CD33: variants seen among roughly 807,000 people sequenced by gnomAD.
CD33 encodes the protein CD33 molecule, also known as myeloid cell surface antigen CD33.
Under a neutral mutation model 31.4 loss-of-function variants are expected in CD33, and 25 were observed. The observed-to-expected ratio is 0.80, with a 90% confidence interval of 0.58 to 1.11. The LOEUF is 1.11. Ranked by LOEUF, CD33 falls within the 50% of genes most tolerant of loss-of-function variation. The probability of loss-of-function intolerance (pLI) is 0.00; values close to 1 mark genes in which losing one functional copy is unlikely to be tolerated. For synonymous variants in CD33, 176 were observed against 180.6 expected (o/e 0.97, Z 0.20); for missense variants, 407 against 448.1 (o/e 0.91, Z 0.83).
At chr19:51,215,061 T>A in the CD33 span, among the ~76,000 whole-genome samples, 66,159 of 151,926 alleles carry the variant, frequency 0.44, 15,313 homozygotes, top group African/African-American at 0.57. Flanking sequence ...AGGTGGTTCT[T>A]GTGGCCATTG....
chr19:51,226,386 T>C (rs1981037290), intron 4 of CD33, 30 bp downstream of exon 4: 1 of 1,597,022 alleles, frequency 6.3e-7, no homozygotes, highest in Non-Finnish European at 8.6e-7. Context: ...CCTGGGGCTG[T>C]TACTGACATT....
At position 51,225,956 on chromosome 19, in the gene CD33, C is replaced by A. The variant is rs765869147; in HGVS notation, c.572C>A (p.Thr191Asn). ...GCCCCCACCTCCCTGGGCCCCAGGA[C>A]TACTCACTCCTCGGTGCTCATAATC... ...SAAPTSLGPR[T>N]THSSVLIITP... The change falls in exon 3 of 7, where the codon ACT (threonine) becomes AAT (asparagine). Residue 191 changes from threonine (T) to asparagine (N), a missense_variant. Coordinates refer to ENST00000262262, the MANE Select transcript of CD33 (RefSeq NM_001772.4). 1 of 1,614,138 alleles carries A rather than the reference C, an allele frequency of 6.2e-7. No individual in the cohort carries two copies. Among genetic ancestry groups the A allele is most frequent in the South Asian group, 1.1e-5 (1 of 91,082 alleles).
At position 51,239,754 on chromosome 19, in the gene CD33, C is replaced by A; in HGVS notation, c.*66C>A. ...TCCTCTACAGGTCGGGGACCAAAGG[C>A]TGATTCTTGGAGATTTAACACCCCA... On this transcript the variant is annotated 3_prime_UTR_variant, in exon 7 of 7. Coordinates refer to ENST00000262262, the MANE Select transcript of CD33 (RefSeq NM_001772.4). 1.4e-6 allele frequency: 2 copies of A among 1,388,080 alleles called. No homozygotes were observed. The highest frequency in any genetic ancestry group is 2.0e-6 in the Non-Finnish European group (2 of 1,017,698). 86.0% of individuals were successfully genotyped at this position (1,388,080 alleles called of 1,614,324 possible).
Position 51,225,118 on chromosome 19 carries a change from C to A in CD33, c.-1C>A, listed in dbSNP as rs1980888629. 1 of 1,613,758 alleles carries A rather than the reference C, an allele frequency of 6.2e-7. No homozygotes were observed. The highest frequency in any genetic ancestry group is 8.5e-7 in the Non-Finnish European group (1 of 1,180,022). On this transcript the variant is annotated 5_prime_UTR_variant, in exon 1 of 7. Coordinates refer to ENST00000262262, the MANE Select transcript of CD33 (RefSeq NM_001772.4). ...AAGCCCTGGAAGCTGCTTCCTCAGA[C>A]ATGCCGCTGCTGCTACTGCTGCCCC... is the stretch of plus-strand genomic sequence containing the variant.
upstream of CD33, among the ~76,000 whole-genome samples, chr19:51,221,145 G>T (rs1980670663): frequency 6.6e-6 from 1 of 152,090 alleles, no homozygotes; most frequent in African/African-American, 2.4e-5. Context: ...AGTACTCAAG[G>T]CCCTCACCAG....
At chr19:51,212,712 T>C in the CD33 span, among the ~76,000 whole-genome samples, 16 of 152,144 alleles carry the variant, frequency 1.1e-4, no homozygotes, top group Admixed American at 1.0e-3. Context: ...GGTGATACAG[T>C]CTCATGGGAA....
chr19:51,227,626 G>A (rs1396841210), intron 4 of CD33, among the ~76,000 whole-genome samples: 1 of 152,152 alleles, frequency 6.6e-6, no homozygotes, highest in African/African-American at 2.4e-5. Flanking sequence ...TGAATCACTT[G>A]TCAGATGAAT....
At chr19:51,232,975 G>C (rs1348462354) in intron 4 of CD33, among the ~76,000 whole-genome samples, 1 of 152,200 alleles carries the variant, frequency 6.6e-6, no homozygotes, top group African/African-American at 2.4e-5. Context: ...TGGGATGTGA[G>C]TGTAAGACTG....
At chr19:51,235,135 C>T (rs1981684357) in intron 4 of CD33, 22 bp from the exon 5 acceptor site, 1 of 1,595,492 alleles carries the variant, frequency 6.3e-7, no homozygotes, top group South Asian at 1.1e-5. Context: ...TAGAATTCAC[C>T]CCAAATCTTT....
intron 4 of CD33, among the ~76,000 whole-genome samples, chr19:51,229,926 C>G (rs1369097432): frequency 8.6e-5 from 13 of 151,408 alleles, no homozygotes; most frequent in Admixed American, 8.5e-4. Context: ...TTGGTTTGTT[C>G]TTGCTTTCTA....
the CD33 span, among the ~76,000 whole-genome samples, chr19:51,213,736 A>G: frequency 0.012 from 1,823 of 150,020 alleles, 18 homozygotes; most frequent in Non-Finnish European, 0.017. Context: ...GGGTTTCCCC[A>G]TGTTGGCTAG....
chr19:51,229,701 A>G (rs773733466), intron 4 of CD33, among the ~76,000 whole-genome samples: 5 of 152,106 alleles, frequency 3.3e-5, no homozygotes, highest in Admixed American at 6.5e-5. Flanking sequence ...AGTAGTGTCT[A>G]AGATCCTGTG....
intron 2 of CD33, 61 bp from the exon 3 acceptor site, chr19:51,225,742 C>T: frequency 6.4e-7 from 1 of 1,563,432 alleles, no homozygotes. Context: ...GGTTGATCTT[C>T]TCTCAGGCCC....
At chr19:51,232,201 T>A (rs1981478008) in intron 4 of CD33, among the ~76,000 whole-genome samples, 1 of 152,198 alleles carries the variant, frequency 6.6e-6, no homozygotes, top group Non-Finnish European at 1.5e-5. Flanking sequence ...TGTTAAGTTT[T>A]TTATCTTTCA....
At chr19:51,220,719 A>G (rs1980648876), upstream of CD33, among the ~76,000 whole-genome samples, 1 of 152,294 alleles carries the variant, frequency 6.6e-6, no homozygotes, top group Admixed American at 6.5e-5. Context: ...CATTATTCAG[A>G]TTACTGAGCC....
chr19:51,217,935 T>A, the CD33 span, among the ~76,000 whole-genome samples: 16 of 152,350 alleles, frequency 1.1e-4, no homozygotes, highest in African/African-American at 3.1e-4. Context: ...TATCCAATCA[T>A]CCATGGATAA....
the CD33 span, among the ~76,000 whole-genome samples, chr19:51,219,387 C>T: frequency 6.6e-6 from 1 of 152,142 alleles, no homozygotes; most frequent in Non-Finnish European, 1.5e-5. Flanking sequence ...TGAAATTTTA[C>T]TGAATTAATT....
At chr19:51,214,364 T>A in the CD33 span, among the ~76,000 whole-genome samples, 1 of 151,354 alleles carries the variant, frequency 6.6e-6, no homozygotes, top group East Asian at 1.9e-4. Context: ...TGCCCAGCTA[T>A]TTTTTGTATT....
chr19:51,231,905 T>C (rs970483973), intron 4 of CD33, among the ~76,000 whole-genome samples: 2 of 152,098 alleles, frequency 1.3e-5, no homozygotes, highest in Non-Finnish European at 1.5e-5. Context: ...ACTACAGGCA[T>C]GTGCCACCAC....
Sources: allele counts gnomAD v4.1 joint callset (sites outside exome capture counted in the v4.1 genomes callset), GRCh38; gene constraint gnomAD v4.1.1; transcripts MANE v1.5; gene names NCBI Gene and HGNC (gene_info 2026-07-23, HGNC 2026-07-21).